Variants in TTN observed in about 807,000 individuals in gnomAD.
TTN encodes titin, also known as connectin.
A neutral mutation model predicts 3,223.0 loss-of-function variants in TTN; 1,525 were observed. The ratio of observed to expected loss-of-function variants is 0.47; its 90% confidence interval spans 0.45 to 0.49. The LOEUF is 0.49. Among genes scored for constraint, TTN ranks in the 20% least tolerant of loss-of-function variants. TTN has a pLI of 0.00. For synonymous variants in TTN, 14,094 were observed against 15,161.0 expected (o/e 0.93, Z 5.17); for missense variants, 40,786 against 43,424.0 (o/e 0.94, Z 5.40).
At position 178,789,369 on chromosome 2, in the gene TTN, G is replaced by A. The variant is rs2093369750; in HGVS notation, c.2067C>T (p.Thr689=). Residue 689 remains threonine (T), a synonymous_variant, in exon 13 of 363, where the codon ACC becomes ACT. Transcript: ENST00000589042. Reference sequence around the variant, plus strand: ...GAACAACAATAGTCACCTTTCCATGGGTAACTTGGATTTGTTCTTGTCTAG... The same window carrying A: ...GAACAACAATAGTCACCTTTCCATGAGTAACTTGGATTTGTTCTTGTCTAG... The part of the protein sequence containing the change: ...MATRQEQIQV[T]HGKVDVGKKA... 6.2e-7 allele frequency: 1 copy of A among 1,613,090 alleles called. No individual in the cohort carries two copies. Among genetic ancestry groups the A allele is most frequent in the Admixed American group, 1.7e-5 (1 of 59,994 alleles).
Position 178,738,303 on chromosome 2 carries a change from G to T in TTN, c.14150C>A (p.Ala4717Asp). The T allele has an allele frequency of 6.2e-7, 1 of 1,613,536 alleles. No individual in the cohort carries two copies. ...ACTTTGGATCTCACAGGTGAATTTG[G>T]CTAGGTGGCCCAGTGCTACTTCCAG... ...EPLEVALGHL[A>D]KFTCEIQSAP... Residue 4717 changes from alanine to aspartate, a missense_variant, in exon 49 of 363, where the codon GCC becomes GAC. Transcript: ENST00000589042.
chr2:178,773,246 T>C lies in TTN; in HGVS notation c.7718A>G (p.Lys2573Arg), dbSNP rs113405975. 1 of 1,613,946 alleles carries C rather than the reference T, an allele frequency of 6.2e-7. No homozygotes were observed. Among genetic ancestry groups the C allele is most frequent in the Non-Finnish European group, 8.5e-7 (1 of 1,179,948 alleles). ...TTCAATTTTATATTTAGAACTGGGC[T>C]TGATTTCCTTGTCCTTAAAATTCCA... ...VLWNFKDKEIKPSSKYKIEAH... is the reference protein window; with the variant it reads ...VLWNFKDKEIRPSSKYKIEAH... The change falls in exon 33 of 363, where the codon AAG (lysine) becomes AGG (arginine). Residue 2573 changes from lysine (K) to arginine (R), a missense_variant. Transcript: ENST00000589042.
chr2:178,713,198 T>C lies in TTN; in HGVS notation c.26936A>G (p.Asn8979Ser), dbSNP rs749174522. The C allele has an allele frequency of 1.2e-6, 2 of 1,613,724 alleles. No individual in the cohort carries two copies. Among genetic ancestry groups the C allele is most frequent in the Non-Finnish European group, 8.5e-7 (1 of 1,179,740 alleles). The change falls in exon 93 of 363, where the codon AAT becomes AGT. Residue 8979 changes from asparagine to serine, a missense_variant. Transcript: ENST00000589042. ...CATGTTCACAGTTAAAGCACAAGTA[T>C]TATCTGTCAGGGTGGTCTGGTATTT... ...GRKYQTTLTD[N>S]TCALTVNMLE...
At chr2:178,749,979 G>A in intron 47 of TTN, 2 of 1,613,134 alleles carry the variant, frequency 1.2e-6, no homozygotes, top group Admixed American at 1.7e-5. Flanking sequence ...TTTGGTGATT[G>A]AGTAACTTGA....
At chr2:178,766,082 C>G (rs549239352) in intron 41 of TTN, among the ~76,000 whole-genome samples, 1 of 152,204 alleles carries the variant, frequency 6.6e-6, no homozygotes, top group South Asian at 2.1e-4. Context: ...AGTTTAACAG[C>G]GAATCTAGAA....
At position 178,652,113 on chromosome 2, in the gene TTN, T is replaced by C; in HGVS notation, c.39278A>G (p.Glu13093Gly). 6.2e-7 allele frequency: 1 copy of C among 1,613,042 alleles called. No homozygotes were observed. Among genetic ancestry groups the C allele is most frequent in the Non-Finnish European group, 8.5e-7 (1 of 1,179,708 alleles). ...KVPEAIPPKP[E>G]SPPPEVFEEP... Reference sequence around the variant, plus strand: ...ATTATTACCTTCAGGGGGAGGACTTTCCGGTTTGGGAGGAATAGCTTCAGG... The same window carrying C: ...ATTATTACCTTCAGGGGGAGGACTTCCCGGTTTGGGAGGAATAGCTTCAGG... Residue 13093 changes from glutamate to glycine, a missense_variant, in exon 204 of 363, where the codon GAA becomes GGA. Physicochemically the swap from Glu to Gly is moderately conservative, Grantham distance 98 (BLOSUM62 -2). Coordinates refer to ENST00000589042, the MANE Select transcript of TTN (RefSeq NM_001267550.2).
chr2:178,527,340 G>A, intron 362 of TTN, 33 bp from the exon 363 acceptor site: 1 of 1,567,488 alleles, frequency 6.4e-7, no homozygotes, highest in African/African-American at 1.4e-5. Flanking sequence ...AAAGGTCTTA[G>A]AATCACTGAA....
At position 178,572,563 on chromosome 2, in the gene TTN, TG is replaced by T. The variant is rs1559415567; in HGVS notation, c.73568del (p.Pro24523HisfsTer4). The T allele has an allele frequency of 6.2e-7, 1 of 1,613,428 alleles. No homozygotes were observed. The highest frequency in any genetic ancestry group is 8.5e-7 in the Non-Finnish European group (1 of 1,179,608). On this transcript the variant is annotated frameshift_variant, in exon 326 of 363. Coordinates refer to ENST00000589042, the MANE Select transcript of TTN (RefSeq NM_001267550.2). LOFTEE classifies it high-confidence loss of function. ...NVRVLDTPGP[P>X]QDLKVKEVTK... The stretch of plus-strand genomic sequence containing the variant: ...TGACCTCTTTTACCTTCAGATCCTG[TG>T]GGGGGCCTGGTGTATCGAGAACTCT...
rs2058300029 is a variant in TTN, at chr2:178,621,669, C to T, written c.45155G>A (p.Cys15052Tyr). 1.9e-6 allele frequency: 3 copies of T among 1,612,318 alleles called. No homozygotes were observed. The highest frequency in any genetic ancestry group is 1.3e-5 in the African/African-American group (1 of 74,936). ...TTCTGCGCCAGGTTTGGAGACTTCACAAACCAGTTTTATAGTGTCTGTTTC... is the reference window on the plus strand; with the variant it reads ...TTCTGCGCCAGGTTTGGAGACTTCATAAACCAGTTTTATAGTGTCTGTTTC... ...VSETDTIKLV[C>Y]EVSKPGAEVI... Residue 15052 changes from cysteine to tyrosine, a missense_variant, in exon 245 of 363, where the codon TGT becomes TAT. Cys to Tyr is a radical substitution (Grantham distance 194). Coordinates refer to ENST00000589042, the MANE Select transcript of TTN (RefSeq NM_001267550.2).
chr2:178,718,421 C>T lies in TTN; in HGVS notation c.24685G>A (p.Glu8229Lys). 1 of 1,613,738 alleles carries T rather than the reference C, an allele frequency of 6.2e-7. No homozygotes were observed. Residue 8229 changes from glutamate (E) to lysine (K), a missense_variant, in exon 85 of 363, where the codon GAA becomes AAA. Transcript: ENST00000589042. The stretch of plus-strand genomic sequence containing the variant: ...TCCTCTATTGTGCTCTCAAGAATTT[C>T]CAGTATGGTAGATTTTTCTGTCATA... ...ITMTEKSTIL[E>K]ILESTIEDYA... is the part of the protein sequence containing the mutation.
At chr2:178,783,527 A>G (rs1241822685) in intron 17 of TTN, among the ~76,000 whole-genome samples, 193 bp downstream of exon 17, 1 of 152,236 alleles carries the variant, frequency 6.6e-6, no homozygotes, top group Non-Finnish European at 1.5e-5. Flanking sequence ...GATGTACCAC[A>G]TAGAATTCCC....
rs1053744179 is a variant in TTN, at chr2:178,664,263, G to A, written c.36281-165C>T. On this transcript the variant is annotated intron_variant, in intron 168 of 362. Transcript: ENST00000589042. ...TTCAGGTTTTAGAGGAGGAACTTCC[G>A]GTATTTTCTTTTTGGTAGCCATTTC... Among the ~76,000 whole-genome samples, 8 of 152,088 alleles carry A rather than the reference G, an allele frequency of 5.3e-5. No individual in the cohort carries two copies. The South Asian group carries it at 6.2e-4, about 12-fold the overall frequency.
chr2:178,733,731 T>C lies in TTN; in HGVS notation c.15658A>G (p.Asn5220Asp), dbSNP rs1235055882. The C allele has an allele frequency of 1.9e-6, 3 of 1,613,882 alleles. No homozygotes were observed. Among genetic ancestry groups the C allele is most frequent in the Non-Finnish European group, 2.5e-6 (3 of 1,179,796 alleles). Reference protein sequence around the residue: ...EDGKIKMSFSNGVAVLIIPDV... With the variant: ...EDGKIKMSFSDGVAVLIIPDV... The stretch of plus-strand genomic sequence containing the variant: ...GGGATTATCAAGACTGCAACACCAT[T>C]GGAAAAGCTCATTTTGATTTTTCCG... The change falls in exon 53 of 363, where the codon AAT (asparagine) becomes GAT (aspartate). Residue 5220 changes from asparagine to aspartate, a missense_variant. Transcript: ENST00000589042.
rs772739731 is a variant in TTN at position 178,612,133 on chromosome 2, C to T, written c.50278G>A (p.Val16760Met). ...ACATGTCGTTTTGTCACATCAACCACTGCCAGGGCGTAGGGTGGTCCAGGA... is the reference window on the plus strand; with the variant it reads ...ACATGTCGTTTTGTCACATCAACCATTGCCAGGGCGTAGGGTGGTCCAGGA... ...TTPGPPYALA[V>M]VDVTKRHVDL... Residue 16760 changes from valine to methionine, a missense_variant, in exon 267 of 363, where the codon GTG becomes ATG. Physicochemically the swap from Val to Met is conservative, Grantham distance 21 (BLOSUM62 1). Transcript: ENST00000589042. 6.2e-7 allele frequency: 1 copy of T among 1,611,782 alleles called. No homozygotes were observed. Among genetic ancestry groups the T allele is most frequent in the Non-Finnish European group, 8.5e-7 (1 of 1,178,890 alleles).
Position 178,768,058 on chromosome 2 carries a change from A to G in TTN, c.9261T>C (p.Thr3087=). The change falls in exon 39 of 363, where the codon ACT becomes ACC. Residue 3087 remains threonine, a synonymous_variant. Coordinates refer to ENST00000589042, the MANE Select transcript of TTN (RefSeq NM_001267550.2). ...FECEVSEPDI[T]VQWMKDDQEL... ...CCTGGTCATCTTTCATCCACTGTAC[A>G]GTGATGTCAGGTTCAGAAACTTCAC... is the stretch of plus-strand genomic sequence containing the variant. 1.2e-6 allele frequency: 2 copies of G among 1,614,166 alleles called. No homozygotes were observed. Among genetic ancestry groups the G allele is most frequent in the South Asian group, 1.1e-5 (1 of 91,078 alleles).
chr2:178,532,180 A>G lies in TTN; in HGVS notation c.104435T>C (p.Ile34812Thr), dbSNP rs1427010837. The G allele has an allele frequency of 6.2e-7, 1 of 1,613,442 alleles. No individual in the cohort carries two copies. The highest frequency in any genetic ancestry group is 1.3e-5 in the African/African-American group (1 of 74,890). The stretch of plus-strand genomic sequence containing the variant: ...TTCGTATTCTTCCTCAATTTCTGTT[A>G]TTTCTGTCACTTCTCTTTGTCGCCT... Reference protein sequence around the residue: ...KSRRQREVTEITEIEEEYEIS... With the variant: ...KSRRQREVTETTEIEEEYEIS... Residue 34812 changes from isoleucine to threonine, a missense_variant, in exon 358 of 363, where the codon ATA (isoleucine) becomes ACA (threonine). Transcript: ENST00000589042.
At position 178,635,231 on chromosome 2, in the gene TTN, T is replaced by C. The variant is rs186699871; in HGVS notation, c.41958A>G (p.Ala13986=). The C allele has an allele frequency of 6.2e-4, 1,007 of 1,613,386 alleles. 3 individuals are homozygous for C. Among genetic ancestry groups the C allele is most frequent in the Admixed American group, 5.1e-3 (307 of 59,982 alleles). ...IYEKESASFD[A]EISEADIPGQ... ...CAGGAATGTCTGCCTCTGAGATTTC[T>C]GCATCAAAGCTTGCACTTTCTTTCT... The change falls in exon 228 of 363, where the codon GCA becomes GCG. Residue 13986 remains alanine, a synonymous_variant. Transcript: ENST00000589042.
Position 178,548,230 on chromosome 2 carries a change from T to C in TTN, c.93396A>G (p.Leu31132=). 1 of 1,613,834 alleles carries C rather than the reference T, an allele frequency of 6.2e-7. No homozygotes were observed. Among genetic ancestry groups the C allele is most frequent in the Non-Finnish European group, 8.5e-7 (1 of 1,179,800 alleles). Residue 31132 remains leucine (L), a synonymous_variant, in exon 339 of 363, where the codon TTA becomes TTG. Transcript: ENST00000589042. The surrounding 1 kb of genome is among the most constrained non-coding windows in gnomAD (Gnocchi z 4.3). ...VVDTSKSSAV[L]AWLKPDHDGG... is the part of the protein sequence containing the mutation. ...CATCGTGGTCAGGTTTAAGCCAAGC[T>C]AAGACTGCGGAGGATTTGCTAGTAT...
chr2:178,704,995 C>T (rs970970935), intron 103 of TTN, 29 bp from the exon 104 acceptor site: 1 of 1,608,204 alleles, frequency 6.2e-7, no homozygotes, highest in Non-Finnish European at 8.5e-7. Context: ...ATAGGCATTA[C>T]AGATGAAACA....
Sources: allele counts gnomAD v4.1 joint callset (sites outside exome capture counted in the v4.1 genomes callset), GRCh38; gene constraint gnomAD v4.1.1; non-coding constraint Gnocchi (gnomAD v3.1); transcripts MANE v1.5; gene names NCBI Gene and HGNC (gene_info 2026-07-23, HGNC 2026-07-21).